Variants in NMNAT2 observed in about 807,000 individuals in gnomAD.
NMNAT2 encodes nicotinamide/nicotinic acid mononucleotide adenylyltransferase 2.
Under a neutral mutation model 41.6 loss-of-function variants are expected in NMNAT2, and 11 were observed. That is an observed-to-expected ratio of 0.26 (90% CI 0.17 to 0.44). The LOEUF (loss-of-function observed/expected upper bound fraction) is 0.44. Among genes scored for constraint, NMNAT2 ranks in the 20% least tolerant of loss-of-function variants. NMNAT2 has a pLI of 1.00. For missense variants in NMNAT2, 288 were observed against 407.7 expected, an observed-to-expected ratio of 0.71 and a Z score of 2.53; for synonymous variants, 148 against 151.2, an observed-to-expected ratio of 0.98 and a Z score of 0.16.
At chr1:183,285,062 G>A (rs934936836) in intron 5 of NMNAT2, among the ~76,000 whole-genome samples, 1 of 152,122 alleles carries the variant, frequency 6.6e-6, no homozygotes, top group Admixed American at 6.5e-5. Context: ...TTGAAAACTT[G>A]GAAAATATAG....
At chr1:183,391,815 A>G (rs2101921791) in intron 1 of NMNAT2, among the ~76,000 whole-genome samples, 1 of 152,306 alleles carries the variant, frequency 6.6e-6, no homozygotes. Flanking sequence ...AATGTCTGAC[A>G]TGATTGATCG....
intron 1 of NMNAT2, among the ~76,000 whole-genome samples, chr1:183,375,226 T>A (rs955898638): frequency 2.0e-5 from 3 of 152,136 alleles, no homozygotes; most frequent in African/African-American, 7.2e-5. Context: ...CTAAAATAAA[T>A]AAATAAACAA....
intron 1 of NMNAT2, among the ~76,000 whole-genome samples, chr1:183,334,467 C>T (rs145841341): frequency 1.8e-3 from 280 of 152,140 alleles, no homozygotes; most frequent in Middle Eastern, 6.8e-3. Flanking sequence ...GAGTCTGTGT[C>T]GCCACAGGGC....
intron 1 of NMNAT2, among the ~76,000 whole-genome samples, chr1:183,312,377 G>A (rs117511553): frequency 0.017 from 2,519 of 151,622 alleles, 53 homozygotes; most frequent in South Asian, 0.081. Flanking sequence ...ATTACAGTAG[G>A]CATGAGTCAC....
At position 183,311,141 on chromosome 1, in the gene NMNAT2, G is replaced by C. The variant is rs532775904; in HGVS notation, c.86-17348C>G. 1.8e-3 allele frequency among the ~76,000 whole-genome samples: 269 copies of C among 152,192 alleles called. 2 individuals carry two copies. Among genetic ancestry groups the C allele is most frequent in the Admixed American group, 2.8e-3 (43 of 15,282 alleles). On this transcript the variant is annotated intron_variant, in intron 1 of 10. Coordinates refer to ENST00000287713, the MANE Select transcript of NMNAT2 (RefSeq NM_015039.4). ...CTTCACTATCCACTCCCTTCCCTTT[G>C]TTTTGACAAACCAAATTCCAGTCTA... is the stretch of plus-strand genomic sequence containing the variant.
At chr1:183,338,149 TAAAAAAAA>T (rs59064477) in intron 1 of NMNAT2, among the ~76,000 whole-genome samples, 1 of 96,402 alleles carries the variant, frequency 1.0e-5, no homozygotes, top group Admixed American at 1.3e-4. Flanking sequence ...CCCATCTCTT[TAAAAAAAA>T]AAAAAAAAAA....
In NMNAT2 at chr1:183,374,190, G is replaced by T. The variant is rs187659293; in HGVS notation, c.85+43993C>A. Among the ~76,000 whole-genome samples the T allele has an allele frequency of 3.5e-3, 532 of 152,322 alleles. 1 individual carries two copies. The highest frequency in any genetic ancestry group is 6.8e-3 in the Middle Eastern group (2 of 294). Reference sequence around the variant, plus strand: ...CTCTCCCTAAGTCTACACTCAACCAGTATACCGTGGCACCATTTATTTTGA... The same window carrying T: ...CTCTCCCTAAGTCTACACTCAACCATTATACCGTGGCACCATTTATTTTGA... On this transcript the variant is annotated intron_variant, in intron 1 of 10. Transcript: ENST00000287713.
At chr1:183,409,406 T>A (rs1649052815) in intron 1 of NMNAT2, among the ~76,000 whole-genome samples, 1 of 152,026 alleles carries the variant, frequency 6.6e-6, no homozygotes, top group Admixed American at 6.5e-5. Flanking sequence ...AGCCTCAACC[T>A]CATGGGCTCA....
intron 1 of NMNAT2, among the ~76,000 whole-genome samples, chr1:183,403,995 T>C (rs1223447323): frequency 6.6e-6 from 1 of 152,200 alleles, no homozygotes; most frequent in Non-Finnish European, 1.5e-5. Context: ...AGGGTCCCTA[T>C]TTTTGTTCAT....
At chr1:183,337,330 G>T (rs644681) in intron 1 of NMNAT2, among the ~76,000 whole-genome samples, 107,978 of 151,492 alleles carry the variant, frequency 0.71, 38,597 homozygotes, top group East Asian at 0.9. Context: ...GTCAGTAGTA[G>T]TATATTTTTA....
intron 7 of NMNAT2, among the ~76,000 whole-genome samples, chr1:183,279,911 T>TG (rs1200906205): frequency 6.6e-6 from 1 of 152,232 alleles, no homozygotes; most frequent in Non-Finnish European, 1.5e-5. Context: ...CCCCAGGGTC[T>TG]GGCAGAGTCA....
chr1:183,379,828 A>G (rs963773227), intron 1 of NMNAT2, among the ~76,000 whole-genome samples: 1 of 152,352 alleles, frequency 6.6e-6, no homozygotes, highest in Non-Finnish European at 1.5e-5. Context: ...CATTCATGAT[A>G]TAGTCATATT....
At chr1:183,396,470 C>A (rs1216491615) in intron 1 of NMNAT2, among the ~76,000 whole-genome samples, 1 of 152,070 alleles carries the variant, frequency 6.6e-6, no homozygotes, top group African/African-American at 2.4e-5. Context: ...CACTAAGAGG[C>A]AAAATGGTGG....
chr1:183,390,823 T>A (rs1648460914), intron 1 of NMNAT2, among the ~76,000 whole-genome samples: 1 of 152,212 alleles, frequency 6.6e-6, no homozygotes, highest in Non-Finnish European at 1.5e-5. Context: ...GAAGGTCAGC[T>A]TGGGTCAGAG....
At chr1:183,417,145 T>C (rs1649277836) in intron 1 of NMNAT2, among the ~76,000 whole-genome samples, 1 of 152,166 alleles carries the variant, frequency 6.6e-6, no homozygotes, top group Non-Finnish European at 1.5e-5. Context: ...CCCACGCCTT[T>C]GAGTCCTACG....
intron 1 of NMNAT2, among the ~76,000 whole-genome samples, chr1:183,301,026 G>C (rs1288390306): frequency 6.6e-6 from 1 of 152,204 alleles, no homozygotes; most frequent in Non-Finnish European, 1.5e-5. Context: ...GATTGTTTAA[G>C]TGCTGAGTCA....
intron 1 of NMNAT2, 113 bp downstream of exon 1, chr1:183,418,070 G>T: frequency 1.0e-6 from 1 of 971,736 alleles, no homozygotes; most frequent in Non-Finnish European, 1.6e-6. Context: ...GGATGAGCCG[G>T]CCCACCCCTC....
intron 8 of NMNAT2, among the ~76,000 whole-genome samples, chr1:183,275,788 T>G (rs1661107746): frequency 2.0e-5 from 3 of 152,168 alleles, no homozygotes; most frequent in Admixed American, 2.0e-4. Context: ...TTCTCCTGCC[T>G]CAGCCTCCCA....
At chr1:183,409,649 C>T (rs1487380899) in intron 1 of NMNAT2, among the ~76,000 whole-genome samples, 1 of 152,148 alleles carries the variant, frequency 6.6e-6, no homozygotes, top group African/African-American at 2.4e-5. Context: ...AGAAATAGGT[C>T]TTGATCAAGA....
Sources: gnomAD v4.1 joint callset for allele counts (sites outside exome capture counted in the v4.1 genomes callset) on GRCh38, gnomAD v4.1.1 for gene constraint, MANE v1.5 for transcripts, NCBI Gene and HGNC (gene_info 2026-07-23, HGNC 2026-07-21) for gene names.